Variants in MTDH observed in about 807,000 individuals in gnomAD.
The protein encoded by MTDH is metadherin, also known as protein LYRIC.
A neutral mutation model predicts 72.7 loss-of-function variants in MTDH; 34 were observed. The observed-to-expected ratio is 0.47, with a 90% confidence interval of 0.36 to 0.62. The LOEUF (loss-of-function observed/expected upper bound fraction) is 0.62. Ranked by LOEUF, MTDH falls within the 20% of genes least tolerant of loss-of-function variation. The pLI, the probability that MTDH is intolerant of heterozygous loss-of-function variation, is 0.00. For synonymous variants in MTDH, 266 were observed against 268.9 expected, an observed-to-expected ratio of 0.99 and a Z score of 0.10; for missense variants, 677 against 699.4, an observed-to-expected ratio of 0.97 and a Z score of 0.36.
At chr8:97,678,565 C>CTCTG (rs1394561641) in intron 2 of MTDH, among the ~76,000 whole-genome samples, 3 of 143,712 alleles carry the variant, frequency 2.1e-5, no homozygotes, top group Non-Finnish European at 4.6e-5. Context: ...CTCTTTCTCT[C>CTCTG]TCTGTTTCCT....
chr8:97,710,662 G>A (rs1814587688), intron 8 of MTDH, among the ~76,000 whole-genome samples: 1 of 135,920 alleles, frequency 7.4e-6, no homozygotes, highest in Non-Finnish European at 1.5e-5. Context: ...CTCCAGCCTG[G>A]GCAACAGAGT....
rs569314293 is a variant in MTDH, at chr8:97,711,557, C to G, written c.1273-2105C>G. Among the ~76,000 whole-genome samples, 10 of 152,042 alleles carry G rather than the reference C, an allele frequency of 6.6e-5. No individual in the cohort carries two copies. The South Asian group carries it at 1.9e-3, about 28-fold the overall frequency. ...CTGTACCCCTTTTACCCAGTTTTCC[C>G]CAGTGGTAACATGTTAAAAAACCAT... On this transcript the variant is annotated intron_variant, in intron 8 of 11. Coordinates refer to ENST00000336273, the MANE Select transcript of MTDH (RefSeq NM_178812.4).
chr8:97,653,853 C>T (rs1023655339), intron 1 of MTDH, among the ~76,000 whole-genome samples: 2 of 152,124 alleles, frequency 1.3e-5, no homozygotes, highest in African/African-American at 2.4e-5. Context: ...AGAAGGCATC[C>T]GTCAGAATGT....
At position 97,673,906 on chromosome 8, in the gene MTDH, C is replaced by T. The variant is rs376800662; in HGVS notation, c.483+12733C>T. On this transcript the variant is annotated intron_variant, in intron 2 of 11. Transcript: ENST00000336273. ...AGGAGCATTGCTTGAGCCCAAGAGG[C>T]GGAGGTTGCAGTGAACCAAGATCGT... Among the ~76,000 whole-genome samples the T allele has an allele frequency of 2.4e-3, 367 of 151,260 alleles. 17 individuals carry two copies. The South Asian group carries it at 0.073, about 30-fold the overall frequency.
intron 11 of MTDH, among the ~76,000 whole-genome samples, chr8:97,723,937 G>A (rs368949635): frequency 6.2e-4 from 94 of 151,864 alleles, no homozygotes; most frequent in African/African-American, 2.2e-3. Flanking sequence ...GCGAAACCCC[G>A]TCTCTACTAA....
intron 8 of MTDH, 55 bp downstream of exon 8, chr8:97,706,805 C>T: frequency 6.4e-7 from 1 of 1,551,274 alleles, no homozygotes; most frequent in Non-Finnish European, 8.7e-7. Flanking sequence ...ACAGGCTGGG[C>T]ACAGTGGCTC....
intron 2 of MTDH, among the ~76,000 whole-genome samples, chr8:97,665,740 A>T (rs1398619771): frequency 6.6e-6 from 1 of 152,184 alleles, no homozygotes; most frequent in African/African-American, 2.4e-5. Context: ...GACAAGTTTG[A>T]CTGGTCAAGA....
chr8:97,687,949 T>G (rs1813432035), intron 4 of MTDH, among the ~76,000 whole-genome samples: 2 of 152,178 alleles, frequency 1.3e-5, no homozygotes, highest in Non-Finnish European at 1.5e-5. Flanking sequence ...TTAAATGAAA[T>G]GATTTATCAC....
At chr8:97,645,038 G>A in intron 1 of MTDH, 151 bp downstream of exon 1, 1 of 890,362 alleles carries the variant, frequency 1.1e-6, no homozygotes. Flanking sequence ...GGAGGTGATA[G>A]GTGGTCATGT....
At chr8:97,672,912 C>T (rs1407972594) in intron 2 of MTDH, among the ~76,000 whole-genome samples, 2 of 151,958 alleles carry the variant, frequency 1.3e-5, no homozygotes, top group African/African-American at 4.8e-5. Context: ...TGAGCCCACT[C>T]CAGACATATT....
intron 1 of MTDH, 86 bp downstream of exon 1, chr8:97,644,973 G>T: frequency 7.0e-7 from 1 of 1,421,452 alleles, no homozygotes; most frequent in Non-Finnish European, 9.2e-7. Flanking sequence ...GCCCCAGCCG[G>T]GAAGGAAAAG....
chr8:97,658,503 G>T (rs1812062519), intron 1 of MTDH, among the ~76,000 whole-genome samples: 1 of 152,196 alleles, frequency 6.6e-6, no homozygotes, highest in South Asian at 2.1e-4. Context: ...ACTTGTTGGT[G>T]AGTTTTTAAG....
chr8:97,659,371 G>A (rs569079607), intron 1 of MTDH, among the ~76,000 whole-genome samples: 1 of 152,126 alleles, frequency 6.6e-6, no homozygotes, highest in Non-Finnish European at 1.5e-5. Flanking sequence ...CAAATCAAGA[G>A]TAAGAAAACC....
chr8:97,715,498 T>C (rs1814828749), intron 9 of MTDH, among the ~76,000 whole-genome samples: 1 of 152,242 alleles, frequency 6.6e-6, no homozygotes, highest in South Asian at 2.1e-4. Flanking sequence ...TTTTTTATTG[T>C]GGGAAGCACA....
chr8:97,723,736 CTG>C (rs1815236660), intron 11 of MTDH, among the ~76,000 whole-genome samples: 1 of 151,304 alleles, frequency 6.6e-6, no homozygotes, highest in Admixed American at 6.6e-5. Flanking sequence ...GAGCAAGACT[CTG>C]TCTCAAAAAA....
At chr8:97,664,046 T>G (rs1186042968) in intron 2 of MTDH, among the ~76,000 whole-genome samples, 2 of 151,976 alleles carry the variant, frequency 1.3e-5, no homozygotes, top group African/African-American at 4.8e-5. Context: ...CTAGAAAAAT[T>G]TTGTGATTTA....
At chr8:97,708,247 G>A (rs1814446331) in intron 8 of MTDH, among the ~76,000 whole-genome samples, 1 of 133,820 alleles carries the variant, frequency 7.5e-6, no homozygotes, top group African/African-American at 2.8e-5. Flanking sequence ...TTACAGGCAT[G>A]AGCCACCATG....
chr8:97,708,301 A>T (rs1318808340), intron 8 of MTDH, among the ~76,000 whole-genome samples: 3 of 33,106 alleles, frequency 9.1e-5, no homozygotes, highest in Non-Finnish European at 1.1e-4. Flanking sequence ...TTTTTTTTTG[A>T]GATGGAGTTT....
intron 6 of MTDH, chr8:97,696,409 T>C: frequency 2.5e-6 from 1 of 403,658 alleles, no homozygotes; most frequent in Non-Finnish European, 3.4e-6. Flanking sequence ...TAGCAGGTAT[T>C]ATAAAGTGGC....
Sources: allele counts gnomAD v4.1 joint callset (sites outside exome capture counted in the v4.1 genomes callset), GRCh38; gene constraint gnomAD v4.1.1; transcripts MANE v1.5; gene names NCBI Gene and HGNC (gene_info 2026-07-23, HGNC 2026-07-21).